BORCS5: variants seen among roughly 807,000 people sequenced by gnomAD.
BORCS5 encodes the protein BLOC-1 related complex subunit 5.
In BORCS5, 17 loss-of-function variants were observed where a neutral mutation model predicts 22.1. The observed-to-expected ratio is 0.77, with a 90% CI of 0.53 to 1.15. The LOEUF (loss-of-function observed/expected upper bound fraction) is 1.15, where lower values mean the gene tolerates loss of function less well. BORCS5 is among the 50% of genes most tolerant of loss of function. The probability of loss-of-function intolerance (pLI) is 0.00; values close to 1 mark genes in which losing one functional copy is unlikely to be tolerated. For missense variants in BORCS5, 247 were observed against 253.2 expected (o/e 0.98, Z 0.17); for synonymous variants, 117 against 99.8 (o/e 1.17, Z -1.03).
intron 2 of BORCS5, among the ~76,000 whole-genome samples, chr12:12,366,090 C>CT (rs998650671): frequency 6.6e-6 from 1 of 152,184 alleles, no homozygotes; most frequent in African/African-American, 2.4e-5. Context: ...CCTTTATACT[C>CT]TGACTCTTTT....
At chr12:12,364,187 C>A (rs1000334534) in intron 2 of BORCS5, among the ~76,000 whole-genome samples, 2 of 151,908 alleles carry the variant, frequency 1.3e-5, no homozygotes, top group African/African-American at 4.8e-5. Context: ...ATCAGCCTGG[C>A]CACCATGGTG....
At chr12:12,415,378 C>G (rs1485293138) in intron 2 of BORCS5, among the ~76,000 whole-genome samples, 3 of 151,122 alleles carry the variant, frequency 2.0e-5, no homozygotes, top group South Asian at 2.1e-4. Flanking sequence ...AAAACCCCGT[C>G]TCCACCAAAA....
intron 2 of BORCS5, among the ~76,000 whole-genome samples, chr12:12,369,800 C>T (rs1052154503): frequency 1.5e-5 from 2 of 135,066 alleles, no homozygotes; most frequent in African/African-American, 5.4e-5. Flanking sequence ...TCTCAGCTCA[C>T]TACAACCTCT....
Position 12,435,746 on chromosome 12 carries a change from T to C in BORCS5, c.321T>C (p.Val107=). The C allele has an allele frequency of 6.2e-7, 1 of 1,614,064 alleles. No homozygotes were observed. The highest frequency in any genetic ancestry group is 1.3e-5 in the African/African-American group (1 of 75,062). The change falls in exon 3 of 4, where the codon GTT becomes GTC. Residue 107 remains valine, a synonymous_variant. Coordinates refer to ENST00000314565, the MANE Select transcript of BORCS5 (RefSeq NM_058169.6). Reference sequence around the variant, plus strand: ...ACCTGCATCAGTGTGCAGAGGCCGTTGCTTTTGACCAGAATGCTTTGGTTA... The same window carrying C: ...ACCTGCATCAGTGTGCAGAGGCCGTCGCTTTTGACCAGAATGCTTTGGTTA... ...QDHLHQCAEA[V]AFDQNALVKR...
intron 2 of BORCS5, among the ~76,000 whole-genome samples, chr12:12,403,727 T>C (rs926884176): frequency 3.9e-5 from 6 of 152,182 alleles, no homozygotes; most frequent in Admixed American, 6.5e-5. Flanking sequence ...CCCTCAGCCC[T>C]GGGATTGGAA....
At chr12:12,457,907 C>T (rs1592142450) in intron 3 of BORCS5, among the ~76,000 whole-genome samples, 1 of 152,196 alleles carries the variant, frequency 6.6e-6, no homozygotes, top group Non-Finnish European at 1.5e-5. Context: ...CAGTGGGCAT[C>T]AGTGTCATGA....
intron 2 of BORCS5, among the ~76,000 whole-genome samples, chr12:12,373,206 C>T (rs1394751304): frequency 6.6e-6 from 1 of 152,210 alleles, no homozygotes; most frequent in Non-Finnish European, 1.5e-5. Flanking sequence ...CAGCCATTTG[C>T]AAACCAGGAA....
rs1470751680 is a variant in BORCS5 at position 12,465,446 on chromosome 12, C to G, written c.361-100C>G. The stretch of plus-strand genomic sequence containing the variant: ...TTCCTGTAAAACTTGTCAGCTTCCA[C>G]TGGATCTGCGGGACTGTGTCCCTCA... On this transcript the variant is annotated intron_variant, in intron 3 of 3. Transcript: ENST00000314565. 6 of 1,036,576 alleles carry G rather than the reference C, an allele frequency of 5.8e-6. No individual in the cohort carries two copies. In the African/African-American group the frequency reaches 6.3e-5, roughly 11 times the overall value. 64.2% of individuals were successfully genotyped at this position (1,036,576 alleles called of 1,614,324 possible). A position where few individuals can be genotyped will look rare whatever the true frequency, so the allele number is the denominator to read the frequency against.
chr12:12,416,872 C>G (rs1197386615), intron 2 of BORCS5, among the ~76,000 whole-genome samples: 1 of 149,320 alleles, frequency 6.7e-6, no homozygotes, highest in Non-Finnish European at 1.5e-5. Flanking sequence ...GCCTCTGCCT[C>G]TCGGGTTCAA....
chr12:12,406,645 CAA>C (rs35161065), intron 2 of BORCS5, among the ~76,000 whole-genome samples: 5 of 150,218 alleles, frequency 3.3e-5, no homozygotes, highest in African/African-American at 9.7e-5. Context: ...AACAAACAAA[CAA>C]AAAAAAAACG....
intron 2 of BORCS5, among the ~76,000 whole-genome samples, chr12:12,407,010 G>A (rs1565876791): frequency 6.6e-6 from 1 of 152,138 alleles, no homozygotes; most frequent in Non-Finnish European, 1.5e-5. Context: ...GTTCTTCCAG[G>A]ATGGCATTCA....
At chr12:12,360,886 A>T (rs929862456) in intron 1 of BORCS5, among the ~76,000 whole-genome samples, 1 of 151,862 alleles carries the variant, frequency 6.6e-6, no homozygotes, top group African/African-American at 2.4e-5. Context: ...ATGCCCCGCT[A>T]ATTTTTGTGT....
intron 3 of BORCS5, among the ~76,000 whole-genome samples, chr12:12,439,662 T>G (rs1352611039): frequency 6.6e-6 from 1 of 152,184 alleles, no homozygotes; most frequent in Non-Finnish European, 1.5e-5. Context: ...TTGAAGAACT[T>G]TGGGATTCAC....
intron 3 of BORCS5, among the ~76,000 whole-genome samples, chr12:12,442,300 G>T (rs1272648317): frequency 6.6e-6 from 1 of 152,160 alleles, no homozygotes; most frequent in Non-Finnish European, 1.5e-5. Flanking sequence ...TCTTATTTCT[G>T]CCTCATTCTA....
At chr12:12,385,075 C>A (rs1307508889) in intron 2 of BORCS5, among the ~76,000 whole-genome samples, 1 of 151,426 alleles carries the variant, frequency 6.6e-6, no homozygotes, top group African/African-American at 2.4e-5. Context: ...GTAGCACATT[C>A]AAAGTTCAGG....
chr12:12,393,472 T>C (rs958960265), intron 2 of BORCS5, among the ~76,000 whole-genome samples: 1 of 151,902 alleles, frequency 6.6e-6, no homozygotes, highest in Non-Finnish European at 1.5e-5. Context: ...ATACAACTGG[T>C]TATTTTTCAT....
intron 3 of BORCS5, among the ~76,000 whole-genome samples, chr12:12,453,077 C>G (rs1441688637): frequency 2.0e-5 from 3 of 152,072 alleles, no homozygotes; most frequent in Non-Finnish European, 4.4e-5. Flanking sequence ...GGTTTGCAAA[C>G]TGGAAGAAAG....
intron 2 of BORCS5, among the ~76,000 whole-genome samples, chr12:12,373,981 C>CTTT (rs926893487): frequency 0.019 from 1,663 of 89,732 alleles, 193 homozygotes; most frequent in African/African-American, 0.072. Context: ...AGAGAGTATT[C>CTTT]TTTTTTTTTT....
chr12:12,426,724 C>G (rs1266519440), intron 2 of BORCS5, among the ~76,000 whole-genome samples: 1 of 152,212 alleles, frequency 6.6e-6, no homozygotes, highest in Non-Finnish European at 1.5e-5. Flanking sequence ...TGATTATTAT[C>G]TTGCTTTTAC....
Sources: gnomAD v4.1 joint callset for allele counts (sites outside exome capture counted in the v4.1 genomes callset) on GRCh38, gnomAD v4.1.1 for gene constraint, MANE v1.5 for transcripts, NCBI Gene and HGNC (gene_info 2026-07-23, HGNC 2026-07-21) for gene names.